The following CLUH variants were observed in gnomAD, a reference collection of about 807,000 sequenced individuals.
The protein encoded by CLUH is clustered mitochondria protein homolog.
CLUH carries 77 observed loss-of-function variants against 139.3 expected under a neutral mutation model. The observed-to-expected ratio is 0.55, with a 90% confidence interval of 0.46 to 0.67. The LOEUF (loss-of-function observed/expected upper bound fraction) is 0.67. CLUH is among the 30% of genes least tolerant of loss of function. The pLI, the probability that CLUH is intolerant of heterozygous loss-of-function variation, is 0.00. For synonymous variants in CLUH, 999 were observed against 801.6 expected (o/e 1.25, Z -4.16); for missense variants, 1,876 against 1,875.8 (o/e 1.00, Z 0.00).
Position 2,690,605 on chromosome 17 carries a change from C to A in CLUH, c.4036G>T (p.Val1346Leu), listed in dbSNP as rs772903126. 3 of 1,487,240 alleles carry A rather than the reference C, an allele frequency of 2.0e-6. No individual in the cohort carries two copies. Among genetic ancestry groups the A allele is most frequent in the South Asian group, 1.4e-5 (1 of 73,294 alleles). 92.1% of individuals were successfully genotyped at this position (1,487,240 alleles called of 1,614,324 possible). ...GTCTGGCTCCCTCTCTATCCCTGCA[C>A]GCTCGGAGAAGGGTCCTTGGCAGCC... ...PPAAKDPSPS[V>L]QG is the part of the protein sequence containing the mutation. The change falls in exon 26 of 26, where the codon GTG becomes TTG. Residue 1346 changes from valine (V) to leucine (L), a missense_variant. Transcript: ENST00000651024.
intron 19 of CLUH, 189 bp from the exon 20 acceptor site, chr17:2,693,049 C>T (rs944002183): frequency 4.2e-6 from 2 of 474,910 alleles, no homozygotes; most frequent in South Asian, 4.2e-5. Context: ...GGGCAGGTCA[C>T]GCTCCACAGA....
In CLUH at chr17:2,689,466, A is replaced by G. The variant is rs2069536270; in HGVS notation, c.*1128T>C. On this transcript the variant is annotated 3_prime_UTR_variant, in exon 26 of 26. Transcript: ENST00000651024. ...TAAAAACAAGAAAAAGTTCTTGCTC[A>G]GCGGTGGGGATGCTCTGCTTGCCCG... 1 of 152,714 alleles carries G rather than the reference A, an allele frequency of 6.5e-6. No individual in the cohort carries two copies. Among genetic ancestry groups the G allele is most frequent in the African/African-American group, 2.4e-5 (1 of 41,472 alleles). The allele number at this position is 152,714 out of a possible 1,614,324, so 9.5% of individuals were successfully genotyped here.
In CLUH at chr17:2,703,502, G is replaced by A. The variant is rs1057350261; in HGVS notation, c.304-13C>T. Reference sequence around the variant, plus strand: ...CCTGGGGGGACACCTGCAGGGAGAAGGCCCCGCCCACCCCGGTGAGAGAGC... The same window carrying A: ...CCTGGGGGGACACCTGCAGGGAGAAAGCCCCGCCCACCCCGGTGAGAGAGC... On this transcript the variant is annotated splice_polypyrimidine_tract_variant and intron_variant, in intron 2 of 25. Coordinates refer to ENST00000651024, the MANE Select transcript of CLUH (RefSeq NM_001366661.1). This position sits in a 1 kb window ranked among gnomAD's most constrained non-coding sequence, Gnocchi z 4.2. The A allele has an allele frequency of 5.6e-6, 9 of 1,610,090 alleles. No homozygotes were observed. The highest frequency in any genetic ancestry group is 1.6e-4 in the Middle Eastern group (1 of 6,062).
intron 1 of CLUH, among the ~76,000 whole-genome samples, chr17:2,710,531 G>A (rs1391645745): frequency 6.6e-6 from 1 of 152,192 alleles, no homozygotes; most frequent in Non-Finnish European, 1.5e-5. Context: ...ACGGAGGAGG[G>A]AGGGACTGGG....
In CLUH at chr17:2,711,689, C is replaced by G; in HGVS notation, c.-28G>C. ...TGGCGGGAGCGGGCGTCCGCCTCGG[C>G]TGTCCGCGCCGCCCGCCGCGCCACT... is the stretch of plus-strand genomic sequence containing the variant. On this transcript the variant is annotated 5_prime_UTR_variant, in exon 1 of 26. Coordinates refer to ENST00000651024, the MANE Select transcript of CLUH (RefSeq NM_001366661.1). The G allele has an allele frequency of 5.3e-6, 5 of 937,554 alleles. No individual in the cohort carries two copies. The highest frequency in any genetic ancestry group is 6.4e-6 in the Non-Finnish European group (5 of 786,306). 58.1% of individuals were successfully genotyped at this position (937,554 alleles called of 1,614,324 possible).
intron 1 of CLUH, among the ~76,000 whole-genome samples, chr17:2,710,465 G>A (rs1466622151): frequency 6.6e-6 from 1 of 152,220 alleles, no homozygotes; most frequent in Non-Finnish European, 1.5e-5. Context: ...ACTCACTGAA[G>A]CTAGGAAGGG....
chr17:2,695,646 C>T (rs376103576), intron 13 of CLUH, 120 bp from the exon 14 acceptor site: 2 of 1,303,828 alleles, frequency 1.5e-6, no homozygotes, highest in Admixed American at 5.5e-5. Flanking sequence ...GGCTCCAGCT[C>T]CCAGTCAGGA....
Position 2,694,844 on chromosome 17 carries a change from G to GCCCCCCCCC in CLUH, c.2852+12_2852+13insGGGGGGGGG. The GCCCCCCCCC allele has an allele frequency of 1.4e-6, 2 of 1,445,316 alleles. No individual in the cohort carries two copies. Among genetic ancestry groups the GCCCCCCCCC allele is most frequent in the Non-Finnish European group, 1.9e-6 (2 of 1,079,830 alleles). The allele number at this position is 1,445,316 out of a possible 1,614,324, so 89.5% of individuals were successfully genotyped here. On this transcript the variant is annotated intron_variant, in intron 16 of 25. Coordinates refer to ENST00000651024, the MANE Select transcript of CLUH (RefSeq NM_001366661.1). The stretch of plus-strand genomic sequence containing the variant: ...CAATCCCACCCACCCCACCGCCCCT[G>GCCCCCCCCC]CCCCGCACGCACCACTCGAGGTCGA...
chr17:2,705,581 A>G (rs2070327854), intron 1 of CLUH, among the ~76,000 whole-genome samples: 1 of 152,126 alleles, frequency 6.6e-6, no homozygotes, highest in African/African-American at 2.4e-5. Flanking sequence ...CCTAGGAGAA[A>G]TAAACCTTTT....
At position 2,690,576 on chromosome 17, in the gene CLUH, G is replaced by C. The variant is rs757506330; in HGVS notation, c.*18C>G. 2.1e-6 allele frequency: 3 copies of C among 1,431,558 alleles called. No homozygotes were observed. The highest frequency in any genetic ancestry group is 2.8e-6 in the Non-Finnish European group (3 of 1,088,720). 88.7% of individuals were successfully genotyped at this position (1,431,558 alleles called of 1,614,324 possible). A position where few individuals can be genotyped will look rare whatever the true frequency, so the allele number is the denominator to read the frequency against. On this transcript the variant is annotated 3_prime_UTR_variant, in exon 26 of 26. Transcript: ENST00000651024. ...CTGGTGACGGGGCCGCTGGCTGGCT[G>C]TCCGTCTGGCTCCCTCTCTATCCCT...
Position 2,691,761 on chromosome 17 carries a change from C to T in CLUH, c.3789G>A (p.Lys1263=). The stretch of plus-strand genomic sequence containing the variant: ...AGGGGCCGCTCCGCCCCGGACTCAC[C>T]TTGAGGGGCGGGATGTTGGCGCTGG... The part of the protein sequence containing the change: ...NGSSANIPPL[K]FTAPSMASVL... The change falls in exon 24 of 26, where the codon AAG becomes AAA. Residue 1263 remains lysine, a splice_region_variant and synonymous_variant. Transcript: ENST00000651024. 1.3e-6 allele frequency: 2 copies of T among 1,596,490 alleles called. No individual in the cohort carries two copies. Among genetic ancestry groups the T allele is most frequent in the South Asian group, 1.1e-5 (1 of 88,642 alleles).
At chr17:2,709,872 G>C (rs558460723) in intron 1 of CLUH, among the ~76,000 whole-genome samples, 12 of 152,198 alleles carry the variant, frequency 7.9e-5, no homozygotes, top group African/African-American at 2.9e-4. Context: ...AGGGACGTAG[G>C]AGCCCATGTC....
At chr17:2,694,657 C>A in intron 16 of CLUH, 93 bp from the exon 17 acceptor site, 2 of 1,356,254 alleles carry the variant, frequency 1.5e-6, no homozygotes, top group South Asian at 1.3e-5. Context: ...CCAGCCCGGG[C>A]CCCCAACACT....
rs1213992537 is a variant in CLUH, at chr17:2,694,018, T to A, written c.3113A>T (p.Glu1038Val). 1 of 1,613,752 alleles carries A rather than the reference T, an allele frequency of 6.2e-7. No individual in the cohort carries two copies. The highest frequency in any genetic ancestry group is 2.2e-5 in the East Asian group (1 of 44,880). The change falls in exon 19 of 26, where the codon GAG becomes GTG. Residue 1038 changes from glutamate (E) to valine (V), a missense_variant. Coordinates refer to ENST00000651024, the MANE Select transcript of CLUH (RefSeq NM_001366661.1). The part of the protein sequence containing the change: ...VQQGFLKEGC[E>V]LINEALNLFN... ...CAGGTTCAGGGCCTCATTGATGAGC[T>A]CACAGCCCTCCTTCAGGAAGCCTGC...
intron 25 of CLUH, 51 bp downstream of exon 25, chr17:2,691,558 C>G: frequency 6.4e-7 from 1 of 1,569,946 alleles, no homozygotes. Flanking sequence ...GAGACTCCGA[C>G]TCACAAAAAA....
In CLUH at chr17:2,690,252, G is replaced by A. The variant is rs952130916; in HGVS notation, c.*342C>T. On this transcript the variant is annotated 3_prime_UTR_variant, in exon 26 of 26. Coordinates refer to ENST00000651024, the MANE Select transcript of CLUH (RefSeq NM_001366661.1). ...GGACTGGCTCGGGCTATGTACAGGG[G>A]AGAGGAACGGTCAACACTCACAGCC... The A allele has an allele frequency of 3.4e-4, 96 of 280,764 alleles. No individual in the cohort carries two copies. The highest frequency in any genetic ancestry group is 2.0e-3 in the African/African-American group (91 of 45,828). The allele number at this position is 280,764 out of a possible 1,614,324, so 17.4% of individuals were successfully genotyped here. A position where few individuals can be genotyped will look rare whatever the true frequency, so the allele number is the denominator to read the frequency against.
chr17:2,691,360 G>A (rs1013757434), intron 25 of CLUH, among the ~76,000 whole-genome samples: 5 of 152,110 alleles, frequency 3.3e-5, no homozygotes, highest in Non-Finnish European at 7.4e-5. Context: ...TTAAGAGTTC[G>A]AGACCAGCCT....
At chr17:2,692,193 C>A in intron 22 of CLUH, 96 bp from the exon 23 acceptor site, 1 of 1,454,542 alleles carries the variant, frequency 6.9e-7, no homozygotes, top group South Asian at 1.2e-5. Context: ...AGATCCCTCC[C>A]TGGAAGCCAC....
chr17:2,708,976 G>A (rs373728308), intron 1 of CLUH, among the ~76,000 whole-genome samples: 1 of 152,164 alleles, frequency 6.6e-6, no homozygotes, highest in South Asian at 2.1e-4. Context: ...TGAGCTTTAG[G>A]GGAGGGGAAA....
Sources: allele counts gnomAD v4.1 joint callset (sites outside exome capture counted in the v4.1 genomes callset), GRCh38; gene constraint gnomAD v4.1.1; non-coding constraint Gnocchi (gnomAD v3.1); transcripts MANE v1.5; gene names NCBI Gene and HGNC (gene_info 2026-07-23, HGNC 2026-07-21).